The following SUSD4 variants were observed in gnomAD, a reference collection of about 807,000 sequenced individuals.
SUSD4 encodes sushi domain-containing protein 4.
In SUSD4, 41 loss-of-function variants were observed where a neutral mutation model predicts 50.5. That is an observed-to-expected ratio of 0.81 (90% CI 0.63 to 1.05). SUSD4 has a LOEUF of 1.05. SUSD4 is among the 50% of genes least tolerant of loss of function. The pLI, the probability that SUSD4 is intolerant of heterozygous loss-of-function variation, is 0.00. For synonymous variants in SUSD4, 257 were observed against 257.3 expected, an observed-to-expected ratio of 1.00 and a Z score of 0.01; for missense variants, 580 against 634.7, an observed-to-expected ratio of 0.91 and a Z score of 0.93.
chr1:223,306,761 G>A (rs1665556949), intron 2 of SUSD4, among the ~76,000 whole-genome samples: 1 of 152,254 alleles, frequency 6.6e-6, no homozygotes, highest in African/African-American at 2.4e-5. Context: ...CCAAAGTGCT[G>A]GGATTACAGG....
chr1:223,325,589 T>C (rs1666828318), intron 2 of SUSD4, among the ~76,000 whole-genome samples: 1 of 152,138 alleles, frequency 6.6e-6, no homozygotes, highest in African/African-American at 2.4e-5. Context: ...CTATCCCCAT[T>C]TGCAGATGAT....
At chr1:223,250,264 G>A (rs1338786984) in intron 5 of SUSD4, among the ~76,000 whole-genome samples, 1 of 152,086 alleles carries the variant, frequency 6.6e-6, no homozygotes, top group Non-Finnish European at 1.5e-5. Flanking sequence ...AAAGTGCCTG[G>A]CACAAAAGGA....
At position 223,222,106 on chromosome 1, in the gene SUSD4, C is replaced by A; in HGVS notation, c.*86G>T. ...GTAGACAAGTTAGACATTTTGCCCC[C>A]AGGCTCTATCCTTCTGTGACCTCAC... On this transcript the variant is annotated 3_prime_UTR_variant, in exon 9 of 9. Coordinates refer to ENST00000366878, the MANE Select transcript of SUSD4 (RefSeq NM_017982.4). 1 of 1,441,766 alleles carries A rather than the reference C, an allele frequency of 6.9e-7. No individual in the cohort carries two copies. The highest frequency in any genetic ancestry group is 9.5e-7 in the Non-Finnish European group (1 of 1,049,166). The allele number at this position is 1,441,766 out of a possible 1,614,324, so 89.3% of individuals were successfully genotyped here.
At chr1:223,280,147 G>A (rs1198858577) in intron 3 of SUSD4, among the ~76,000 whole-genome samples, 1 of 152,164 alleles carries the variant, frequency 6.6e-6, no homozygotes, top group African/African-American at 2.4e-5. Flanking sequence ...AAATTGTAAA[G>A]ACCATCGATG....
At chr1:223,286,441 G>A in intron 3 of SUSD4, among the ~76,000 whole-genome samples, 1 of 152,032 alleles carries the variant, frequency 6.6e-6, no homozygotes, top group Non-Finnish European at 1.5e-5. Flanking sequence ...AGTAGAGACA[G>A]GGTTTCGTCA....
chr1:223,292,451 A>G lies in SUSD4; in HGVS notation c.349T>C (p.Cys117Arg). 6.2e-7 allele frequency: 1 copy of G among 1,614,202 alleles called. No homozygotes were observed. The highest frequency in any genetic ancestry group is 8.5e-7 in the Non-Finnish European group (1 of 1,180,020). Reference protein sequence around the residue: ...LGWIPSDNSICVQEDCRIPQI... With the variant: ...LGWIPSDNSIRVQEDCRIPQI... ...GTAAGCACTTTACCTTCTTGCACAC[A>G]GATGGAATTATCACTTGGGATCCAG... Residue 117 changes from cysteine (C) to arginine (R), a missense_variant, in exon 3 of 9, where the codon TGT becomes CGT. Physicochemically the swap from Cys to Arg is radical, Grantham distance 180. Transcript: ENST00000366878.
At chr1:223,239,356 T>G (rs1385120666) in intron 5 of SUSD4, among the ~76,000 whole-genome samples, 2 of 152,100 alleles carry the variant, frequency 1.3e-5, no homozygotes, top group Non-Finnish European at 2.9e-5. Flanking sequence ...ATTGATATAG[T>G]TGAGTTATCT....
At chr1:223,308,889 A>C (rs1306057000) in intron 2 of SUSD4, among the ~76,000 whole-genome samples, 1 of 152,198 alleles carries the variant, frequency 6.6e-6, no homozygotes, top group South Asian at 2.1e-4. Flanking sequence ...GACCACTACC[A>C]AAAGTTATCT....
At chr1:223,356,169 T>TC (rs1262528969) in intron 2 of SUSD4, among the ~76,000 whole-genome samples, 1 of 152,058 alleles carries the variant, frequency 6.6e-6, no homozygotes. Flanking sequence ...TTTCTATTTT[T>TC]TTTTTTTCTT....
At chr1:223,302,803 G>C (rs936662282) in intron 2 of SUSD4, among the ~76,000 whole-genome samples, 47 of 152,194 alleles carry the variant, frequency 3.1e-4, no homozygotes, top group African/African-American at 1.1e-3. Flanking sequence ...AGGAGAATAA[G>C]AGAAGGTCCC....
intron 2 of SUSD4, among the ~76,000 whole-genome samples, chr1:223,354,360 C>A (rs2102585288): frequency 6.6e-6 from 1 of 151,106 alleles, no homozygotes; most frequent in East Asian, 1.9e-4. Flanking sequence ...AAAAAGAACA[C>A]CTCGCATCCA....
intron 2 of SUSD4, among the ~76,000 whole-genome samples, chr1:223,351,072 C>T (rs569450858): frequency 5.3e-5 from 8 of 152,346 alleles, no homozygotes; most frequent in Admixed American, 2.6e-4. Context: ...ATTCTCACAA[C>T]AGTTCTATAA....
At chr1:223,257,886 C>T (rs941017708) in intron 5 of SUSD4, among the ~76,000 whole-genome samples, 2 of 152,210 alleles carry the variant, frequency 1.3e-5, no homozygotes, top group African/African-American at 4.8e-5. Flanking sequence ...CGAGGTGACA[C>T]TGGGCCTCAT....
At chr1:223,335,121 A>T (rs1667389046) in intron 2 of SUSD4, among the ~76,000 whole-genome samples, 2 of 152,172 alleles carry the variant, frequency 1.3e-5, no homozygotes, top group South Asian at 4.1e-4. Context: ...CCACTTGTTG[A>T]CTGATGGGCA....
At chr1:223,279,587 G>T (rs997689222) in intron 3 of SUSD4, among the ~76,000 whole-genome samples, 1 of 152,224 alleles carries the variant, frequency 6.6e-6, no homozygotes, top group South Asian at 2.1e-4. Flanking sequence ...AGGGGACTAT[G>T]TGCAAAGACC....
At chr1:223,328,727 A>G (rs1205066355) in intron 2 of SUSD4, among the ~76,000 whole-genome samples, 2 of 152,148 alleles carry the variant, frequency 1.3e-5, no homozygotes, top group African/African-American at 2.4e-5. Context: ...CAATACTACC[A>G]GACCCATGTG....
chr1:223,229,355 T>C lies in SUSD4; in HGVS notation c.758A>G (p.Asp253Gly), dbSNP rs1231138631. The change falls in exon 6 of 9, where the codon GAT (aspartate) becomes GGT (glycine). Residue 253 changes from aspartate to glycine, a missense_variant. Coordinates refer to ENST00000366878, the MANE Select transcript of SUSD4 (RefSeq NM_017982.4). The surrounding 1 kb of genome is among the most constrained non-coding windows in gnomAD (Gnocchi z 4.7). ...ACAAGGCCGCGGGTGGCAGACGAAA[T>C]CTCCGTGACTCACCATTGGAGGTAG... ...CPLPPMVSHG[D>G]FVCHPRPCER... 6.2e-7 allele frequency: 1 copy of C among 1,603,770 alleles called. No homozygotes were observed. The highest frequency in any genetic ancestry group is 1.1e-5 in the South Asian group (1 of 90,804).
At chr1:223,247,977 T>A (rs749944729) in intron 5 of SUSD4, among the ~76,000 whole-genome samples, 200 of 152,340 alleles carry the variant, frequency 1.3e-3, no homozygotes, top group Non-Finnish European at 2.2e-3. Context: ...TCTTGCTATA[T>A]GAATTGCAGT....
chr1:223,348,210 A>G (rs1668150409), intron 2 of SUSD4, among the ~76,000 whole-genome samples: 1 of 152,256 alleles, frequency 6.6e-6, no homozygotes, highest in Non-Finnish European at 1.5e-5. Flanking sequence ...ATATGTCATA[A>G]CAACATGCTG....
Sources: allele counts gnomAD v4.1 joint callset (sites outside exome capture counted in the v4.1 genomes callset), GRCh38; gene constraint gnomAD v4.1.1; non-coding constraint Gnocchi (gnomAD v3.1); transcripts MANE v1.5; gene names NCBI Gene and HGNC (gene_info 2026-07-23, HGNC 2026-07-21).